TRAF3IP3: variants seen among roughly 807,000 people sequenced by gnomAD.
TRAF3IP3 encodes the protein TRAF3 interacting protein 3.
TRAF3IP3 carries 64 observed loss-of-function variants against 86.5 expected under a neutral mutation model. The ratio of observed to expected loss-of-function variants is 0.74; its 90% confidence interval spans 0.60 to 0.91. The LOEUF (loss-of-function observed/expected upper bound fraction) is 0.91, where lower values mean the gene tolerates loss of function less well. Among genes scored for constraint, TRAF3IP3 ranks in the 40% least tolerant of loss-of-function variants. The pLI is 0.00. For missense variants in TRAF3IP3, 579 were observed against 642.9 expected (o/e 0.90, Z 1.07); for synonymous variants, 220 against 243.9 (o/e 0.90, Z 0.91).
At chr1:209,780,634 G>A (rs763534933) in intron 15 of TRAF3IP3, 28 bp downstream of exon 15, 2 of 1,497,212 alleles carry the variant, frequency 1.3e-6, no homozygotes, top group African/African-American at 1.4e-5. Context: ...GATAGTGAGG[G>A]CTCATTTGCG....
intron 8 of TRAF3IP3, among the ~76,000 whole-genome samples, chr1:209,771,992 G>A (rs2077551163): frequency 6.7e-6 from 1 of 148,284 alleles, no homozygotes; most frequent in Admixed American, 6.7e-5. Flanking sequence ...CGTGTGTGCA[G>A]GTGGAAGTGT....
At chr1:209,781,074 T>C (rs1258509693) in intron 15 of TRAF3IP3, 2 of 233,724 alleles carry the variant, frequency 8.6e-6, no homozygotes, top group Non-Finnish European at 1.7e-5. Flanking sequence ...GTGTCTCTCA[T>C]TTGCAAAGCA....
At position 209,759,997 on chromosome 1, in the gene TRAF3IP3, C is replaced by T. The variant is rs1466991557; in HGVS notation, c.-43C>T. ...CATTTGGCAGATCCAGGCATCTATTCCAGGAACTGGAAGCCAAGCGCAACA... is the reference window on the plus strand; with the variant it reads ...CATTTGGCAGATCCAGGCATCTATTTCAGGAACTGGAAGCCAAGCGCAACA... On this transcript the variant is annotated 5_prime_UTR_variant, in exon 3 of 17. Coordinates refer to ENST00000367025, the MANE Select transcript of TRAF3IP3 (RefSeq NM_025228.4). 1.4e-5 allele frequency: 21 copies of T among 1,542,584 alleles called. No individual in the cohort carries two copies. Among genetic ancestry groups the T allele is most frequent in the Non-Finnish European group, 1.7e-5 (19 of 1,122,256 alleles).
intron 9 of TRAF3IP3, among the ~76,000 whole-genome samples, chr1:209,775,054 A>C (rs1274476478): frequency 1.3e-5 from 2 of 152,148 alleles, no homozygotes; most frequent in Non-Finnish European, 1.5e-5. Context: ...CCCCAAGAAA[A>C]AAGAACATGT....
At position 209,762,808 on chromosome 1, in the gene TRAF3IP3, C is replaced by T. The variant is rs1420023415; in HGVS notation, c.494-5C>T. On this transcript the variant is annotated splice_polypyrimidine_tract_variant and splice_region_variant and intron_variant, in intron 4 of 16. Coordinates refer to ENST00000367025, the MANE Select transcript of TRAF3IP3 (RefSeq NM_025228.4). ...TTCTAAATCAACTTATCCTCCATCT[C>T]TCAGGTACTCAGACAAAGGCAGAAG... 1.2e-6 allele frequency: 2 copies of T among 1,614,220 alleles called. No homozygotes were observed. The highest frequency in any genetic ancestry group is 1.1e-5 in the South Asian group (1 of 91,086).
chr1:209,768,305 T>C (rs780827389), intron 8 of TRAF3IP3: 7 of 985,452 alleles, frequency 7.1e-6, no homozygotes, highest in Non-Finnish European at 8.4e-6. Context: ...CACCTCCGGA[T>C]GTCTCTGGGC....
Position 209,775,430 on chromosome 1 carries a change from T to A in TRAF3IP3, c.856T>A (p.Ser286Thr), listed in dbSNP as rs2077631668. ...CAGCTATGAGCAGAAGGCCAAGGAG[T>A]CACTGCAGAAAGTGCTGGAGGAGAA... ...KNSYEQKAKE[S>T]LQKVLEEKMN... Residue 286 changes from serine to threonine, a missense_variant, in exon 10 of 17, where the codon TCA (serine) becomes ACA (threonine). Physicochemically the swap from Ser to Thr is moderately conservative, Grantham distance 58. Transcript: ENST00000367025. The A allele has an allele frequency of 6.2e-7, 1 of 1,613,786 alleles. No homozygotes were observed. Among genetic ancestry groups the A allele is most frequent in the African/African-American group, 1.3e-5 (1 of 74,860 alleles).
chr1:209,771,604 G>A (rs368296806), intron 8 of TRAF3IP3, among the ~76,000 whole-genome samples: 213 of 128,350 alleles, frequency 1.7e-3, no homozygotes, highest in Middle Eastern at 7.7e-3. Context: ...GTGTGTGTGC[G>A]CATGTGGTGT....
In TRAF3IP3 at chr1:209,780,416, C is replaced by T. The variant is rs538968087; in HGVS notation, c.1313-54C>T. 15 of 1,439,704 alleles carry T rather than the reference C, an allele frequency of 1.0e-5. No individual in the cohort carries two copies. The East Asian group carries it at 3.4e-4, about 32-fold the overall frequency. The allele number at this position is 1,439,704 out of a possible 1,614,324, so 89.2% of individuals were successfully genotyped here. ...CTCCTAGTGGTTTCACCCTCAGGGC[C>T]CTTCCTCAGAGGTGTGGGCCTCACT... On this transcript the variant is annotated intron_variant, in intron 14 of 16. Transcript: ENST00000367025.
chr1:209,781,539 T>A, intron 16 of TRAF3IP3, 81 bp downstream of exon 16: 1 of 1,024,358 alleles, frequency 9.8e-7, no homozygotes, highest in Non-Finnish European at 1.5e-6. Flanking sequence ...ATAAAATATA[T>A]CAGCCCACGC....
intron 12 of TRAF3IP3, 52 bp downstream of exon 12, chr1:209,777,539 C>A: frequency 6.7e-7 from 1 of 1,492,998 alleles, no homozygotes; most frequent in Non-Finnish European, 9.0e-7. Context: ...GCCAAGTGAG[C>A]TAAGAAAAAA....
At chr1:209,771,668 T>A (rs2077533141) in intron 8 of TRAF3IP3, among the ~76,000 whole-genome samples, 1 of 133,176 alleles carries the variant, frequency 7.5e-6, no homozygotes, top group African/African-American at 2.9e-5. Flanking sequence ...TGTGAAGGTG[T>A]GTGTTCAGGT....
At chr1:209,770,382 TGTGGAGGTGTGTGTGTGCAG>T (rs1349954126) in intron 8 of TRAF3IP3, among the ~76,000 whole-genome samples, 14 of 146,184 alleles carry the variant, frequency 9.6e-5, no homozygotes, top group South Asian at 2.2e-4. Context: ...TGCGTGTGCA[TGTGGAGGTGTGTGTGTGCAG>T]GTGGAGGTGT....
intron 8 of TRAF3IP3, 55 bp from the exon 9 acceptor site, chr1:209,772,893 C>G: frequency 6.7e-7 from 1 of 1,489,000 alleles, no homozygotes; most frequent in Non-Finnish European, 9.4e-7. Context: ...TAGAGTCAAA[C>G]TCTTTGCAGA....
At chr1:209,773,362 G>A (rs590223) in intron 9 of TRAF3IP3, among the ~76,000 whole-genome samples, 94,001 of 152,090 alleles carry the variant, frequency 0.62, 29,248 homozygotes, top group Admixed American at 0.67. Flanking sequence ...AGCCCTTTAC[G>A]CATCCTAATC....
Position 209,782,154 on chromosome 1 carries a change from T to C in TRAF3IP3, c.*6T>C, listed in dbSNP as rs2077796372. 9 of 1,609,890 alleles carry C rather than the reference T, an allele frequency of 5.6e-6. No homozygotes were observed. The highest frequency in any genetic ancestry group is 1.1e-5 in the South Asian group (1 of 90,994). The stretch of plus-strand genomic sequence containing the variant: ...AAGACAACCTGATGATCTGAATAAT[T>C]TGTGACAACTGCCTTGGGTGAAAAT... On this transcript the variant is annotated 3_prime_UTR_variant, in exon 17 of 17. Transcript: ENST00000367025.
intron 8 of TRAF3IP3, among the ~76,000 whole-genome samples, chr1:209,771,057 TGTGGAGGTGTGTGTGCAG>T (rs1216627763): frequency 3.9e-4 from 42 of 107,354 alleles, no homozygotes; most frequent in African/African-American, 1.3e-3. Context: ...TGCGTGTGCA[TGTGGAGGTGTGTGTGCAG>T]GTGGAGGTGT....
chr1:209,757,891 C>G (rs1434769151), intron 1 of TRAF3IP3, among the ~76,000 whole-genome samples: 7 of 152,070 alleles, frequency 4.6e-5, no homozygotes, highest in Admixed American at 4.6e-4. Flanking sequence ...AGGTCCTAGC[C>G]CCATTTTATA....
Position 209,773,013 on chromosome 1 carries a change from T to C in TRAF3IP3, c.768T>C (p.Cys256=), listed in dbSNP as rs768605745. Residue 256 remains cysteine, a synonymous_variant, in exon 9 of 17, where the codon TGT becomes TGC. Coordinates refer to ENST00000367025, the MANE Select transcript of TRAF3IP3 (RefSeq NM_025228.4). ...CCTTAGAAAACCAGCTATACACCTG[T>C]ACCCAGGTAAGCATTCTGAAGGATA... The part of the protein sequence containing the change: ...LRSLENQLYT[C]TQKYSPWGMK... 8 of 1,610,060 alleles carry C rather than the reference T, an allele frequency of 5.0e-6. No individual in the cohort carries two copies. Among genetic ancestry groups the C allele is most frequent in the Non-Finnish European group, 5.9e-6 (7 of 1,178,396 alleles).
Sources: gnomAD v4.1 joint callset for allele counts (sites outside exome capture counted in the v4.1 genomes callset) on GRCh38, gnomAD v4.1.1 for gene constraint, MANE v1.5 for transcripts, NCBI Gene and HGNC (gene_info 2026-07-23, HGNC 2026-07-21) for gene names.